Variants in SHB observed in about 807,000 individuals in gnomAD.
The protein encoded by SHB is SH2 domain-containing adapter protein B.
A neutral mutation model predicts 52.3 loss-of-function variants in SHB; 20 were observed. The observed-to-expected ratio is 0.38, with a 90% CI of 0.27 to 0.56. The LOEUF (loss-of-function observed/expected upper bound fraction) is 0.56, where lower values mean the gene tolerates loss of function less well. SHB is among the 20% of genes least tolerant of loss of function. The pLI is 0.71. For synonymous variants in SHB, 397 were observed against 316.5 expected, an observed-to-expected ratio of 1.25 and a Z score of -2.70; for missense variants, 825 against 723.3, an observed-to-expected ratio of 1.14 and a Z score of -1.61.
chr9:37,985,137 GACA>G (rs971592025), intron 2 of SHB, among the ~76,000 whole-genome samples: 12 of 152,246 alleles, frequency 7.9e-5, no homozygotes, highest in African/African-American at 2.7e-4. Flanking sequence ...AGGGCTGTGG[GACA>G]ACAATGGTCA....
intron 4 of SHB, 34 bp from the exon 5 acceptor site, chr9:37,948,788 C>A: frequency 4.3e-6 from 7 of 1,611,640 alleles, no homozygotes; most frequent in Non-Finnish European, 5.9e-6. Context: ...CAGAGCCCAG[C>A]GCGATGGGAT....
chr9:37,954,092 A>C (rs2117907756), intron 4 of SHB, among the ~76,000 whole-genome samples: 1 of 152,330 alleles, frequency 6.6e-6, no homozygotes, highest in South Asian at 2.1e-4. Flanking sequence ...AACATCTGTG[A>C]GTCACAGTTT....
At chr9:37,988,293 G>A (rs909827877) in intron 2 of SHB, among the ~76,000 whole-genome samples, 1 of 152,208 alleles carries the variant, frequency 6.6e-6, no homozygotes, top group Admixed American at 6.5e-5. Flanking sequence ...TTGGCCAGCT[G>A]CCTGATCCAT....
At chr9:38,066,145 C>T (rs1587272560) in intron 1 of SHB, among the ~76,000 whole-genome samples, 1 of 152,208 alleles carries the variant, frequency 6.6e-6, no homozygotes, top group African/African-American at 2.4e-5. Context: ...TGAAAAGAGT[C>T]AAGTCTTAAA....
At chr9:37,947,498 C>T (rs1832506325) in intron 5 of SHB, among the ~76,000 whole-genome samples, 1 of 152,240 alleles carries the variant, frequency 6.6e-6, no homozygotes, top group African/African-American at 2.4e-5. Context: ...CACCCCGTGT[C>T]CACATGCTCT....
Position 38,069,191 on chromosome 9 carries a change from G to C in SHB, c.-546C>G, listed in dbSNP as rs572016404. On this transcript the variant is annotated 5_prime_UTR_variant, in exon 1 of 6. Coordinates refer to ENST00000377707, the MANE Select transcript of SHB (RefSeq NM_003028.3). ...AGCCGGCGCCCGCCGGAGCCCGCGCGCCCGTGCCCGTCCCGGCGGCGCCTG... is the reference window on the plus strand; with the variant it reads ...AGCCGGCGCCCGCCGGAGCCCGCGCCCCCGTGCCCGTCCCGGCGGCGCCTG... 6.6e-6 allele frequency: 1 copy of C among 150,946 alleles called. No homozygotes were observed. 9.4% of individuals were successfully genotyped at this position (150,946 alleles called of 1,614,324 possible). A position where few individuals can be genotyped will look rare whatever the true frequency, so the allele number is the denominator to read the frequency against.
At chr9:38,003,863 G>C (rs1821047894) in intron 2 of SHB, among the ~76,000 whole-genome samples, 1 of 152,182 alleles carries the variant, frequency 6.6e-6, no homozygotes, top group South Asian at 2.1e-4. Flanking sequence ...GGTCAAGGAA[G>C]GGAGGATGCT....
chr9:37,969,984 G>A (rs964012064), intron 3 of SHB, among the ~76,000 whole-genome samples: 1 of 152,238 alleles, frequency 6.6e-6, no homozygotes, highest in Non-Finnish European at 1.5e-5. Context: ...GATTCAAAGT[G>A]GGCCAGGAAC....
chr9:38,039,893 T>C (rs1237079907), intron 1 of SHB, among the ~76,000 whole-genome samples: 16 of 151,920 alleles, frequency 1.1e-4, no homozygotes, highest in Non-Finnish European at 2.4e-4. Flanking sequence ...TCGACAGGAG[T>C]CTGGCGGCCC....
intron 5 of SHB, among the ~76,000 whole-genome samples, chr9:37,942,355 G>A (rs1054280456): frequency 6.6e-6 from 1 of 152,208 alleles, no homozygotes; most frequent in Admixed American, 6.5e-5. Flanking sequence ...GCCATCCTTG[G>A]ACTGAGAGGA....
chr9:37,958,245 C>T (rs968403182), intron 3 of SHB, among the ~76,000 whole-genome samples: 8 of 152,330 alleles, frequency 5.3e-5, no homozygotes, highest in African/African-American at 1.9e-4. Flanking sequence ...GTGGTCAGAT[C>T]CAGCCACATT....
chr9:37,993,669 T>TA (rs1275463601), intron 2 of SHB, among the ~76,000 whole-genome samples: 68 of 145,388 alleles, frequency 4.7e-4, no homozygotes, highest in African/African-American at 5.8e-4. Context: ...TATTCTCCCT[T>TA]AAAAAAAAAA....
chr9:38,022,515 G>GT, intron 1 of SHB, among the ~76,000 whole-genome samples: 1 of 152,288 alleles, frequency 6.6e-6, no homozygotes, highest in Admixed American at 6.5e-5. Context: ...GGGTCAGGAG[G>GT]GCTCCTTGAA....
chr9:38,037,647 T>C (rs1191894695), intron 1 of SHB, among the ~76,000 whole-genome samples: 1 of 152,140 alleles, frequency 6.6e-6, no homozygotes, highest in Non-Finnish European at 1.5e-5. Context: ...GGCTCAACTG[T>C]GTGTCATTAT....
chr9:38,046,463 G>A (rs1396227219), intron 1 of SHB, among the ~76,000 whole-genome samples: 1 of 151,730 alleles, frequency 6.6e-6, no homozygotes, highest in African/African-American at 2.4e-5. Flanking sequence ...ATATACTGAT[G>A]CTCGAAGCCC....
intron 5 of SHB, among the ~76,000 whole-genome samples, chr9:37,927,264 C>T (rs905174550): frequency 6.6e-6 from 1 of 152,222 alleles, no homozygotes; most frequent in African/African-American, 2.4e-5. Context: ...TAGGAGGCCA[C>T]GTGGCCAACA....
chr9:38,034,734 C>T (rs1426404549), intron 1 of SHB, among the ~76,000 whole-genome samples: 1 of 152,210 alleles, frequency 6.6e-6, no homozygotes, highest in Non-Finnish European at 1.5e-5. Flanking sequence ...TCTCGCTCTG[C>T]CACCCAGGCT....
chr9:37,924,210 CA>C (rs929998294), intron 5 of SHB, among the ~76,000 whole-genome samples: 1 of 152,174 alleles, frequency 6.6e-6, no homozygotes, highest in African/African-American at 2.4e-5. Context: ...ATTATCATCA[CA>C]AAAAGCACCT....
intron 2 of SHB, among the ~76,000 whole-genome samples, chr9:38,002,471 T>C (rs1488343983): frequency 6.6e-6 from 1 of 152,124 alleles, no homozygotes; most frequent in African/African-American, 2.4e-5. Flanking sequence ...GCAGGAGGCC[T>C]TGCTTTGAAA....
Sources: allele counts gnomAD v4.1 joint callset (sites outside exome capture counted in the v4.1 genomes callset), GRCh38; gene constraint gnomAD v4.1.1; transcripts MANE v1.5; gene names NCBI Gene and HGNC (gene_info 2026-07-23, HGNC 2026-07-21).